The following HMGB1 variants were observed in gnomAD, a reference collection of about 807,000 sequenced individuals.
The protein encoded by HMGB1 is high mobility group protein B1.
For missense variants in HMGB1, 79 were observed against 253.5 expected, an observed-to-expected ratio of 0.31 and a Z score of 4.67; for synonymous variants, 81 against 84.0, an observed-to-expected ratio of 0.96 and a Z score of 0.19.
At chr13:30,589,407 C>T (rs542508600) in intron 1 of HMGB1, among the ~76,000 whole-genome samples, 3 of 152,156 alleles carry the variant, frequency 2.0e-5, no homozygotes, top group Admixed American at 1.3e-4. Context: ...CAAAATGAGA[C>T]CTGCTTGACT....
chr13:30,546,576 T>TG (rs1364022973), intron 1 of HMGB1, among the ~76,000 whole-genome samples: 1 of 152,190 alleles, frequency 6.6e-6, no homozygotes, highest in Non-Finnish European at 1.5e-5. Flanking sequence ...CTTAACCTAC[T>TG]GGGCTCAAGT....
rs1173358679 is a variant in HMGB1, at chr13:30,458,323, T to G, written c.*3034A>C. The G allele has an allele frequency of 7.8e-6, 1 of 128,184 alleles. No individual in the cohort carries two copies. Among genetic ancestry groups the G allele is most frequent in the Non-Finnish European group, 1.6e-5 (1 of 63,970 alleles). The allele number at this position is 128,184 out of a possible 1,614,324, so 7.9% of individuals were successfully genotyped here. On this transcript the variant is annotated 3_prime_UTR_variant, in exon 5 of 5. Coordinates refer to ENST00000341423, the MANE Select transcript of HMGB1 (RefSeq NM_002128.7). ...GTATTTCATTCAAAAACCAGTTGTC[T>G]CTCCTGTGTTTTTTTTTTTTTTTTG...
intron 1 of HMGB1, among the ~76,000 whole-genome samples, chr13:30,502,361 C>T (rs563135311): frequency 5.3e-5 from 8 of 152,266 alleles, no homozygotes; most frequent in Non-Finnish European, 1.2e-4. Flanking sequence ...CATTCAGATA[C>T]AGAAGTGCAC....
chr13:30,529,505 T>C (rs1291614414), intron 1 of HMGB1, among the ~76,000 whole-genome samples: 2 of 152,208 alleles, frequency 1.3e-5, no homozygotes, highest in African/African-American at 2.4e-5. Flanking sequence ...TTATAGTTGT[T>C]TGAAACATGA....
At chr13:30,578,752 C>T (rs1169410649) in intron 1 of HMGB1, among the ~76,000 whole-genome samples, 3 of 152,164 alleles carry the variant, frequency 2.0e-5, no homozygotes, top group Non-Finnish European at 2.9e-5. Context: ...TCTATATATA[C>T]CTATACTCTT....
intron 1 of HMGB1, among the ~76,000 whole-genome samples, chr13:30,564,241 T>C (rs1444804402): frequency 1.5e-5 from 2 of 133,068 alleles, no homozygotes; most frequent in African/African-American, 5.7e-5. Context: ...AAGACCAGGC[T>C]GGGCAACATG....
rs567983774 is a variant in HMGB1, at chr13:30,479,654, TA to T, written c.-14-15961del. 1.9e-3 allele frequency among the ~76,000 whole-genome samples: 288 copies of T among 152,326 alleles called. 3 individuals are homozygous for T. The highest frequency in any genetic ancestry group is 0.018 in the Admixed American group (269 of 15,302). On this transcript the variant is annotated intron_variant, in intron 1 of 4. Transcript: ENST00000405805. ...TTAAAATCCTGGTCCTGGTGCTTACTAGCTGTGTCACCTTGGGCAAAGTGAA... is the reference window on the plus strand; with the variant it reads ...TTAAAATCCTGGTCCTGGTGCTTACTGCTGTGTCACCTTGGGCAAAGTGAA...
chr13:30,463,819 G>GT, intron 1 of HMGB1, 125 bp from the exon 2 acceptor site: 2 of 626,812 alleles, frequency 3.2e-6, no homozygotes, highest in Non-Finnish European at 5.3e-6. Flanking sequence ...ATCAACCTCC[G>GT]TAAAATCAGA....
At chr13:30,572,611 G>A (rs955623747) in intron 1 of HMGB1, among the ~76,000 whole-genome samples, 3 of 152,172 alleles carry the variant, frequency 2.0e-5, no homozygotes, top group Admixed American at 2.0e-4. Context: ...GATATCAGAA[G>A]GGTAAATCTC....
chr13:30,491,897 G>A (rs966064077), intron 1 of HMGB1, among the ~76,000 whole-genome samples: 5 of 152,108 alleles, frequency 3.3e-5, no homozygotes, highest in South Asian at 2.1e-4. Context: ...GGCCAGGTGC[G>A]GTGGCTTACG....
intron 1 of HMGB1, among the ~76,000 whole-genome samples, chr13:30,553,052 C>T (rs140827962): frequency 6.6e-6 from 1 of 152,130 alleles, no homozygotes; most frequent in Non-Finnish European, 1.5e-5. Flanking sequence ...CACTGAGGGA[C>T]AGGAGCTCAT....
At chr13:30,537,664 T>TGA (rs1868510792) in intron 1 of HMGB1, among the ~76,000 whole-genome samples, 1 of 80,578 alleles carries the variant, frequency 1.2e-5, no homozygotes, top group Non-Finnish European at 2.3e-5. Context: ...TATATATATA[T>TGA]ATATATATAT....
upstream of HMGB1, among the ~76,000 whole-genome samples, chr13:30,466,956 G>A (rs1327701827): frequency 6.6e-6 from 1 of 152,184 alleles, no homozygotes; most frequent in Non-Finnish European, 1.5e-5. Flanking sequence ...AACTGCTCTA[G>A]GATTACAGGA....
chr13:30,485,034 C>CTTTTT (rs59990628), intron 1 of HMGB1, among the ~76,000 whole-genome samples: 2 of 134,568 alleles, frequency 1.5e-5, no homozygotes, highest in Non-Finnish European at 3.1e-5. Flanking sequence ...TTTTCTTTTT[C>CTTTTT]TTTTTTTTTT....
chr13:30,534,052 C>T (rs1037919857), intron 1 of HMGB1, among the ~76,000 whole-genome samples: 7 of 152,044 alleles, frequency 4.6e-5, no homozygotes, highest in African/African-American at 1.7e-4. Flanking sequence ...TTAGTGGAGA[C>T]AGGGTTTCTC....
chr13:30,522,392 C>T (rs150134637), intron 1 of HMGB1, among the ~76,000 whole-genome samples: 194 of 152,292 alleles, frequency 1.3e-3, no homozygotes, highest in African/African-American at 4.3e-3. Context: ...GTGTGAGCCA[C>T]TGTGCCTGGA....
chr13:30,542,723 G>A, intron 1 of HMGB1: 2 of 221,938 alleles, frequency 9.0e-6, no homozygotes, highest in Non-Finnish European at 1.9e-5. Flanking sequence ...TTCCTCATCC[G>A]CCTCATCAGA....
intron 1 of HMGB1, among the ~76,000 whole-genome samples, chr13:30,505,889 GT>G (rs1180261292): frequency 1.3e-5 from 2 of 151,748 alleles, no homozygotes; most frequent in Non-Finnish European, 2.9e-5. Context: ...CAGTTTTTTT[GT>G]TTTTTTGTAT....
intron 1 of HMGB1, among the ~76,000 whole-genome samples, chr13:30,588,746 G>A (rs111662967): frequency 0.037 from 5,695 of 151,874 alleles, 237 homozygotes; most frequent in African/African-American, 0.099. Context: ...GTGAAACCCC[G>A]TCTCTACTAA....
Sources: allele counts gnomAD v4.1 joint callset (sites outside exome capture counted in the v4.1 genomes callset), GRCh38; gene constraint gnomAD v4.1.1; transcripts MANE v1.5; gene names NCBI Gene and HGNC (gene_info 2026-07-23, HGNC 2026-07-21).